Variants in LMO7 observed in about 807,000 individuals in gnomAD.
LMO7 encodes the protein LIM domain only protein 7.
A neutral mutation model predicts 206.5 loss-of-function variants in LMO7; 120 were observed. The ratio of observed to expected loss-of-function variants is 0.58; its 90% CI spans 0.50 to 0.68. The LOEUF (loss-of-function observed/expected upper bound fraction) is 0.68, where lower values mean the gene tolerates loss of function less well. Ranked by LOEUF, LMO7 falls within the 30% of genes least tolerant of loss-of-function variation. LMO7 has a pLI of 0.00. For missense variants in LMO7, 1,959 were observed against 1,957.9 expected (o/e 1.00, Z -0.01); for synonymous variants, 706 against 681.5 (o/e 1.04, Z -0.56).
chr13:75,836,702 G>GCCTGAGTC (rs1263219491), intron 19 of LMO7, among the ~76,000 whole-genome samples: 1 of 152,200 alleles, frequency 6.6e-6, no homozygotes, highest in East Asian at 1.9e-4. Context: ...GTGCCTGAGT[G>GCCTGAGTC]CCTAAGTCAA....
intron 11 of LMO7, among the ~76,000 whole-genome samples, chr13:75,811,136 T>A (rs182837109): frequency 6.6e-6 from 1 of 152,222 alleles, no homozygotes; most frequent in East Asian, 1.9e-4. Context: ...ATAAGTCAAA[T>A]TTATAACAAA....
At chr13:75,719,099 C>G (rs1471243937) in intron 2 of LMO7, among the ~76,000 whole-genome samples, 1 of 151,882 alleles carries the variant, frequency 6.6e-6, no homozygotes, top group Admixed American at 6.6e-5. Context: ...CCTGCCTCAG[C>G]CTCTCGAGTA....
At chr13:75,647,890 G>A (rs1383524476) in intron 1 of LMO7, among the ~76,000 whole-genome samples, 2 of 151,436 alleles carry the variant, frequency 1.3e-5, no homozygotes, top group African/African-American at 4.8e-5. Flanking sequence ...AAGGGAAAAG[G>A]GAAGCTGAAG....
At chr13:75,749,290 T>G (rs1289734116) in intron 3 of LMO7, among the ~76,000 whole-genome samples, 1 of 152,234 alleles carries the variant, frequency 6.6e-6, no homozygotes. Flanking sequence ...AAATATGCAT[T>G]TTAGCATCAC....
chr13:75,736,937 C>T (rs781384538), intron 3 of LMO7, among the ~76,000 whole-genome samples: 1 of 152,098 alleles, frequency 6.6e-6, no homozygotes, highest in Non-Finnish European at 1.5e-5. Context: ...ACAAGATTTC[C>T]ATTGTGAAAA....
intron 2 of LMO7, among the ~76,000 whole-genome samples, chr13:75,719,812 G>A (rs1389232772): frequency 3.3e-5 from 5 of 152,198 alleles, no homozygotes; most frequent in Non-Finnish European, 7.3e-5. Flanking sequence ...TCCATGTGCA[G>A]TTTTTTGTGT....
intron 3 of LMO7, among the ~76,000 whole-genome samples, chr13:75,730,047 T>C (rs1160358213): frequency 6.6e-6 from 1 of 151,918 alleles, no homozygotes; most frequent in East Asian, 1.9e-4. Flanking sequence ...TTATTGAGGA[T>C]TTTTGCATCA....
intron 4 of LMO7, among the ~76,000 whole-genome samples, chr13:75,784,888 A>T (rs78784536): frequency 0.051 from 7,693 of 152,264 alleles, 284 homozygotes; most frequent in Non-Finnish European, 0.077. Context: ...AATCTTACTT[A>T]TAAGGACCCA....
chr13:75,744,530 C>T (rs929647759), intron 3 of LMO7, among the ~76,000 whole-genome samples: 1 of 152,122 alleles, frequency 6.6e-6, no homozygotes, highest in African/African-American at 2.4e-5. Flanking sequence ...ATGACAGTTT[C>T]GTTCAGATAA....
chr13:75,627,488 T>C (rs1029921596), intron 2 of LMO7: 4 of 152,288 alleles, frequency 2.6e-5, no homozygotes, highest in African/African-American at 7.2e-5. Flanking sequence ...TGCTTAAATA[T>C]TTTTCCCTGC....
Position 75,807,793 on chromosome 13 carries a change from G to A in LMO7, c.1510G>A (p.Glu504Lys). 6.2e-7 allele frequency: 1 copy of A among 1,613,738 alleles called. No homozygotes were observed. The highest frequency in any genetic ancestry group is 8.5e-7 in the Non-Finnish European group (1 of 1,179,808). ...GCGAGATATAATTTTACAGTGTAGAGAAGGTGAACTTGTACTTCCGGATTT... is the reference window on the plus strand; with the variant it reads ...GCGAGATATAATTTTACAGTGTAGAAAAGGTGAACTTGTACTTCCGGATTT... ...VERDIILQCR[E>K]GELVLPDLEK... The change falls in exon 10 of 31, where the codon GAA becomes AAA. Residue 504 changes from glutamate (E) to lysine (K), a missense_variant. Coordinates refer to ENST00000377534, the MANE Select transcript of LMO7 (RefSeq NM_001306080.2).
intron 1 of LMO7, among the ~76,000 whole-genome samples, chr13:75,687,007 A>G (rs932561778): frequency 2.0e-5 from 3 of 152,092 alleles, no homozygotes; most frequent in Admixed American, 6.5e-5. Context: ...CAAAGGCCCT[A>G]CCTCCTAATA....
chr13:75,735,733 C>T (rs2045760017), intron 3 of LMO7, among the ~76,000 whole-genome samples: 1 of 151,776 alleles, frequency 6.6e-6, no homozygotes, highest in Non-Finnish European at 1.5e-5. Flanking sequence ...CTCGGCCTCC[C>T]AAAGTGCTGG....
chr13:75,654,179 A>C (rs1331461820), intron 1 of LMO7, among the ~76,000 whole-genome samples: 1 of 152,240 alleles, frequency 6.6e-6, no homozygotes, highest in Non-Finnish European at 1.5e-5. Context: ...AGAGCTTACA[A>C]ATCTGTAGGA....
At chr13:75,838,386 G>T in intron 20 of LMO7, 190 bp downstream of exon 20, 2 of 1,413,016 alleles carry the variant, frequency 1.4e-6, no homozygotes, top group Non-Finnish European at 1.9e-6. Flanking sequence ...GTCTACCTCT[G>T]TGGTAATGGG....
At chr13:75,697,026 T>C (rs143645325) in intron 1 of LMO7, among the ~76,000 whole-genome samples, 2 of 152,194 alleles carry the variant, frequency 1.3e-5, no homozygotes, top group East Asian at 3.9e-4. Context: ...AAACAACACA[T>C]GTGCACGGGT....
intron 1 of LMO7, among the ~76,000 whole-genome samples, chr13:75,706,034 G>A (rs1416688851): frequency 7.9e-5 from 12 of 152,096 alleles, no homozygotes; most frequent in Non-Finnish European, 1.8e-4. Flanking sequence ...GCTTGTCTTG[G>A]GTCAGGCAAG....
At chr13:75,681,768 G>A (rs2040555138) in intron 1 of LMO7, among the ~76,000 whole-genome samples, 1 of 116,564 alleles carries the variant, frequency 8.6e-6, no homozygotes, top group Admixed American at 1.1e-4. Context: ...ATTATTTGTA[G>A]CCTTTTGAGT....
At chr13:75,653,131 A>G (rs1384840859) in intron 1 of LMO7, among the ~76,000 whole-genome samples, 1 of 152,224 alleles carries the variant, frequency 6.6e-6, no homozygotes, top group Admixed American at 6.5e-5. Flanking sequence ...GATATTCAGT[A>G]AAATTATTTT....
Sources: gnomAD v4.1 joint callset for allele counts (sites outside exome capture counted in the v4.1 genomes callset) on GRCh38, gnomAD v4.1.1 for gene constraint, MANE v1.5 for transcripts, NCBI Gene and HGNC (gene_info 2026-07-23, HGNC 2026-07-21) for gene names.